Variants in PLCL2 observed in about 807,000 individuals in gnomAD.
The protein encoded by PLCL2 is phospholipase C like 2.
In PLCL2, 4 loss-of-function variants were observed where a neutral mutation model predicts 79.6. The observed-to-expected ratio is 0.05, with a 90% CI of 0.02 to 0.11. The LOEUF (loss-of-function observed/expected upper bound fraction) is 0.11. PLCL2 is among the 10% of genes least tolerant of loss of function. The pLI is 1.00. For missense variants in PLCL2, 895 were observed against 1,291.0 expected (o/e 0.69, Z 4.70); for synonymous variants, 484 against 457.7 (o/e 1.06, Z -0.73).
At chr3:16,931,528 A>G (rs1183954250) in intron 1 of PLCL2, among the ~76,000 whole-genome samples, 1 of 152,190 alleles carries the variant, frequency 6.6e-6, no homozygotes, top group African/African-American at 2.4e-5. Context: ...TGCATTGTCA[A>G]TGTTCTGTCT....
rs144955664 is a variant in PLCL2 at position 16,994,593 on chromosome 3, G to A, written c.328-15081G>A. ...ATTAATTTTGCAAAGTGGATTTACA[G>A]CAATGCATATTATAACATTTTGAGA... is the stretch of plus-strand genomic sequence containing the variant. On this transcript the variant is annotated intron_variant, in intron 1 of 5. Coordinates refer to ENST00000615277, the MANE Select transcript of PLCL2 (RefSeq NM_001144382.2). 9.2e-5 allele frequency among the ~76,000 whole-genome samples: 14 copies of A among 152,290 alleles called. No homozygotes were observed. In the East Asian group the frequency reaches 2.5e-3, roughly 27 times the overall value.
intron 1 of PLCL2, among the ~76,000 whole-genome samples, chr3:16,948,212 A>G (rs1199209863): frequency 6.6e-6 from 1 of 152,232 alleles, no homozygotes; most frequent in African/African-American, 2.4e-5. Flanking sequence ...TGCATGCTAC[A>G]CAGTGGTTAA....
At chr3:16,933,981 C>T (rs576992007) in intron 1 of PLCL2, among the ~76,000 whole-genome samples, 2 of 152,156 alleles carry the variant, frequency 1.3e-5, no homozygotes, top group African/African-American at 2.4e-5. Flanking sequence ...GCAGGAGAAT[C>T]GCTTGAACCC....
chr3:16,952,852 TGCAAAATTG>T (rs2063666769), intron 1 of PLCL2, among the ~76,000 whole-genome samples: 2 of 152,114 alleles, frequency 1.3e-5, no homozygotes, highest in Non-Finnish European at 2.9e-5. Context: ...TTGTATATAA[TGCAAAATTG>T]CAACTTACCG....
At chr3:17,077,725 C>T (rs1480677076) in intron 5 of PLCL2, among the ~76,000 whole-genome samples, 5 of 152,194 alleles carry the variant, frequency 3.3e-5, no homozygotes, top group Admixed American at 3.3e-4. Context: ...GAAACTCACT[C>T]TGGCCAGCTC....
At chr3:17,013,537 T>G (rs1050177338) in intron 2 of PLCL2, among the ~76,000 whole-genome samples, 3 of 152,242 alleles carry the variant, frequency 2.0e-5, no homozygotes. Context: ...CAGTCATGAT[T>G]GATTTCTGTA....
At chr3:17,004,526 T>C (rs1198681209) in intron 1 of PLCL2, among the ~76,000 whole-genome samples, 1 of 152,174 alleles carries the variant, frequency 6.6e-6, no homozygotes, top group Non-Finnish European at 1.5e-5. Flanking sequence ...TATATTATTT[T>C]ATTCTTTTTC....
At chr3:16,969,929 A>T (rs564672314) in intron 1 of PLCL2, among the ~76,000 whole-genome samples, 2 of 151,746 alleles carry the variant, frequency 1.3e-5, no homozygotes, top group African/African-American at 4.8e-5. Flanking sequence ...ACTTGCCAAG[A>T]ATTTCTTGAT....
chr3:16,967,117 G>T (rs1462562522), intron 1 of PLCL2, among the ~76,000 whole-genome samples: 16 of 152,064 alleles, frequency 1.1e-4, no homozygotes, highest in Admixed American at 1.0e-3. Context: ...TTATGGCTGT[G>T]TAGTATTCCA....
At chr3:16,930,782 G>A (rs760086441) in intron 1 of PLCL2, among the ~76,000 whole-genome samples, 9 of 152,102 alleles carry the variant, frequency 5.9e-5, no homozygotes, top group Admixed American at 2.0e-4. Context: ...TGTCCCAAAT[G>A]TTATTCATGA....
At chr3:16,977,675 T>G (rs1005328283) in intron 1 of PLCL2, among the ~76,000 whole-genome samples, 1 of 152,232 alleles carries the variant, frequency 6.6e-6, no homozygotes, top group African/African-American at 2.4e-5. Flanking sequence ...TGTACTGGTG[T>G]TAATGAAGTA....
At chr3:17,059,980 G>T (rs114667233) in intron 4 of PLCL2, among the ~76,000 whole-genome samples, 1 of 152,116 alleles carries the variant, frequency 6.6e-6, no homozygotes, top group East Asian at 1.9e-4. Flanking sequence ...TGAAAGTGGC[G>T]ATCCAAACAA....
chr3:17,079,156 C>T (rs2065137659), intron 5 of PLCL2, among the ~76,000 whole-genome samples: 1 of 152,194 alleles, frequency 6.6e-6, no homozygotes, highest in Non-Finnish European at 1.5e-5. Flanking sequence ...CAAGGGCTCT[C>T]ACGCCCATGG....
intron 1 of PLCL2, among the ~76,000 whole-genome samples, chr3:16,933,588 G>A (rs772091853): frequency 7.2e-5 from 11 of 151,882 alleles, no homozygotes; most frequent in Non-Finnish European, 1.3e-4. Flanking sequence ...TTCATACACT[G>A]TAGCAGCATA....
intron 1 of PLCL2, among the ~76,000 whole-genome samples, chr3:16,963,225 G>T (rs927815784): frequency 1.3e-5 from 2 of 151,952 alleles, no homozygotes; most frequent in African/African-American, 4.8e-5. Flanking sequence ...AATGCTAAAA[G>T]ATTTCTACTT....
intron 1 of PLCL2, among the ~76,000 whole-genome samples, chr3:16,926,897 A>C (rs913579435): frequency 6.6e-6 from 1 of 152,098 alleles, no homozygotes; most frequent in Non-Finnish European, 1.5e-5. Flanking sequence ...CCAAAGTGCT[A>C]GGATTACAGA....
At chr3:16,970,763 G>A (rs2063853583) in intron 1 of PLCL2, among the ~76,000 whole-genome samples, 1 of 146,786 alleles carries the variant, frequency 6.8e-6, no homozygotes, top group African/African-American at 2.5e-5. Context: ...TCTAACTGGT[G>A]TGAGATGGTA....
chr3:17,070,078 T>C (rs2065048274), intron 5 of PLCL2, among the ~76,000 whole-genome samples: 1 of 152,130 alleles, frequency 6.6e-6, no homozygotes, highest in Non-Finnish European at 1.5e-5. Flanking sequence ...TAGAGGCAAA[T>C]ATAGACATAG....
intron 5 of PLCL2, among the ~76,000 whole-genome samples, chr3:17,083,971 A>G (rs2065190020): frequency 6.6e-6 from 1 of 152,228 alleles, no homozygotes; most frequent in Admixed American, 6.5e-5. Flanking sequence ...TTAAAAACAG[A>G]AAATACATAG....
Sources: allele counts gnomAD v4.1 joint callset (sites outside exome capture counted in the v4.1 genomes callset), GRCh38; gene constraint gnomAD v4.1.1; transcripts MANE v1.5; gene names NCBI Gene and HGNC (gene_info 2026-07-23, HGNC 2026-07-21).